PTPRU: variants seen among roughly 807,000 people sequenced by gnomAD.
The protein encoded by PTPRU is protein tyrosine phosphatase receptor type U, also known as receptor-type tyrosine-protein phosphatase U.
In PTPRU, 69 loss-of-function variants were observed where a neutral mutation model predicts 166.3. The observed-to-expected ratio is 0.41, with a 90% confidence interval of 0.34 to 0.51. The LOEUF is 0.51. Ranked by LOEUF, PTPRU falls within the 20% of genes least tolerant of loss-of-function variation. PTPRU has a pLI of 0.09. For synonymous variants in PTPRU, 793 were observed against 814.0 expected (o/e 0.97, Z 0.44); for missense variants, 1,657 against 2,013.7 (o/e 0.82, Z 3.39).
chr1:29,299,020 G>T (rs1031599654), intron 15 of PTPRU, among the ~76,000 whole-genome samples: 3 of 152,200 alleles, frequency 2.0e-5, no homozygotes, highest in Non-Finnish European at 4.4e-5. Context: ...AAAGTTTGGG[G>T]TGCTACCACA....
intron 15 of PTPRU, among the ~76,000 whole-genome samples, chr1:29,300,332 C>T (rs1687082480): frequency 6.6e-6 from 1 of 152,174 alleles, no homozygotes; most frequent in Admixed American, 6.5e-5. Context: ...TGTTTCCACT[C>T]CTCTCTTGAA....
chr1:29,292,007 C>T lies in PTPRU; in HGVS notation c.2457C>T (p.Thr819=). The T allele has an allele frequency of 6.2e-7, 1 of 1,614,144 alleles. No individual in the cohort carries two copies. The highest frequency in any genetic ancestry group is 8.5e-7 in the Non-Finnish European group (1 of 1,180,018). Residue 819 remains threonine, a synonymous_variant, in exon 15 of 30, where the codon ACC becomes ACT. Coordinates refer to ENST00000373779, the MANE Select transcript of PTPRU (RefSeq NM_133178.4). The part of the protein sequence containing the change: ...DERLGLSFMD[T]HGYSTRGDQR... ...GGCTGGGCCTGTCCTTCATGGACACCCATGGCTACAGCACCCGGGGTGAGT... is the reference window on the plus strand; with the variant it reads ...GGCTGGGCCTGTCCTTCATGGACACTCATGGCTACAGCACCCGGGGTGAGT...
rs1685615340 is a variant in PTPRU, at chr1:29,272,743, CA to C, written c.1145-2699del. ...GCAACACAGCAAGACCCTGTCTCTA[CA>C]AAAAATACAAAAATTAGCTGGGCTT... On this transcript the variant is annotated intron_variant, in intron 7 of 29. Coordinates refer to ENST00000373779, the MANE Select transcript of PTPRU (RefSeq NM_133178.4). Among the ~76,000 whole-genome samples the C allele has an allele frequency of 4.0e-5, 6 of 151,452 alleles. No individual in the cohort carries two copies. The South Asian group carries it at 1.3e-3, about 32-fold the overall frequency.
Position 29,317,289 on chromosome 1 carries a change from C to T in PTPRU, c.3514-459C>T, listed in dbSNP as rs186127562. On this transcript the variant is annotated intron_variant, in intron 24 of 29. Coordinates refer to ENST00000373779, the MANE Select transcript of PTPRU (RefSeq NM_133178.4). The surrounding 1 kb of genome is among the most constrained non-coding windows in gnomAD (Gnocchi z 5.6). ...GTGACCAAGGAACGTGACCCCCTCT[C>T]CACGTGCCTGGAGTCCGCTTCTTGG... Among the ~76,000 whole-genome samples, 687 of 152,264 alleles carry T rather than the reference C, an allele frequency of 4.5e-3. 3 individuals are homozygous for T. The highest frequency in any genetic ancestry group is 6.7e-3 in the Non-Finnish European group (454 of 68,014).
chr1:29,279,273 C>A lies in PTPRU; in HGVS notation c.1563+152C>A. The A allele has an allele frequency of 1.0e-6, 1 of 1,003,858 alleles. No individual in the cohort carries two copies. Among genetic ancestry groups the A allele is most frequent in the Non-Finnish European group, 1.5e-6 (1 of 672,940 alleles). 62.2% of individuals were successfully genotyped at this position (1,003,858 alleles called of 1,614,324 possible). A position where few individuals can be genotyped will look rare whatever the true frequency, so the allele number is the denominator to read the frequency against. On this transcript the variant is annotated intron_variant, in intron 9 of 29. Transcript: ENST00000373779. This position sits in a 1 kb window ranked among gnomAD's most constrained non-coding sequence, Gnocchi z 5.2. ...TGGCCAGGTCTGTGCCCTGTGTATT[C>A]TAGAGGAGGGTCCTGAAGGCAGGAG...
intron 7 of PTPRU, among the ~76,000 whole-genome samples, chr1:29,266,429 C>G (rs1036317095): frequency 6.6e-6 from 1 of 152,116 alleles, no homozygotes; most frequent in African/African-American, 2.4e-5. Flanking sequence ...TTTTAAAAAG[C>G]CAATCTGTGA....
Position 29,279,467 on chromosome 1 carries a change from G to C in PTPRU, c.1575G>C (p.Gln525His). Residue 525 changes from glutamine (Q) to histidine (H), a missense_variant, in exon 10 of 30, where the codon CAG becomes CAC. Gln to His is a conservative substitution (Grantham distance 24). Transcript: ENST00000373779. This position sits in a 1 kb window ranked among gnomAD's most constrained non-coding sequence, Gnocchi z 5.2. Reference protein sequence around the residue: ...GLITQYEISYQSIESSDPAVN... With the variant: ...GLITQYEISYHSIESSDPAVN... ...AATCCTGCCCCCAGATCAGCTACCA[G>C]AGCATCGAGTCATCAGACCCGGCAG... 6.2e-7 allele frequency: 1 copy of C among 1,614,110 alleles called. No individual in the cohort carries two copies.
Position 29,282,898 on chromosome 1 carries a change from G to A in PTPRU, c.2091G>A (p.Glu697=), listed in dbSNP as rs1346931110. 6.2e-7 allele frequency: 1 copy of A among 1,613,932 alleles called. No individual in the cohort carries two copies. Among genetic ancestry groups the A allele is most frequent in the Non-Finnish European group, 8.5e-7 (1 of 1,179,994 alleles). ...GAGGCTTCTGGAACCCACCACTTGA[G>A]CCTAGGAAGGCCTATCTCATCTACT... The part of the protein sequence containing the change: ...TYRGFWNPPL[E]PRKAYLIYFQ... Residue 697 remains glutamate (E), a synonymous_variant, in exon 12 of 30, where the codon GAG becomes GAA. Coordinates refer to ENST00000373779, the MANE Select transcript of PTPRU (RefSeq NM_133178.4).
intron 1 of PTPRU, among the ~76,000 whole-genome samples, chr1:29,249,332 C>T (rs1684443497): frequency 1.3e-5 from 2 of 152,254 alleles, no homozygotes; most frequent in East Asian, 3.9e-4. Context: ...CTAAACCATC[C>T]CCCTGCCTTC....
rs930069257 is a variant in PTPRU at position 29,257,614 on chromosome 1, G to T, written c.206-891G>T. Among the ~76,000 whole-genome samples, 5 of 152,232 alleles carry T rather than the reference G, an allele frequency of 3.3e-5. No homozygotes were observed. Among genetic ancestry groups the T allele is most frequent in the African/African-American group, 1.2e-4 (5 of 41,460 alleles). On this transcript the variant is annotated intron_variant, in intron 2 of 29. Transcript: ENST00000373779. This position sits in a 1 kb window ranked among gnomAD's most constrained non-coding sequence, Gnocchi z 4.6. ...CTTTCTCCAGGTTGGAAGTCAAGGG[G>T]ATTTGTATTCCAGGAATTTAGACTC... is the stretch of plus-strand genomic sequence containing the variant.
rs1033158609 is a variant in PTPRU at position 29,317,873 on chromosome 1, C to T, written c.3639C>T (p.Ile1213=). 1 of 1,613,990 alleles carries T rather than the reference C, an allele frequency of 6.2e-7. No homozygotes were observed. Among genetic ancestry groups the T allele is most frequent in the African/African-American group, 1.3e-5 (1 of 74,950 alleles). ...LPPDRCLPFL[I]STDGDSNNYI... The stretch of plus-strand genomic sequence containing the variant: ...CCGACCGCTGCCTGCCCTTCCTCAT[C>T]TCCACTGATGGGGACTCCAACAACT... The change falls in exon 25 of 30, where the codon ATC becomes ATT. Residue 1213 remains isoleucine (I), a synonymous_variant. Transcript: ENST00000373779. The surrounding 1 kb of genome is among the most constrained non-coding windows in gnomAD (Gnocchi z 5.6).
intron 7 of PTPRU, among the ~76,000 whole-genome samples, chr1:29,274,571 C>A (rs375906539): frequency 1.3e-5 from 2 of 152,132 alleles, no homozygotes. Context: ...CTTTATTTAA[C>A]TATTTGGCTC....
rs1374938034 is a variant in PTPRU at position 29,310,622 on chromosome 1, T to A, written c.2821-122T>A. ...CATCCTGCTTAGGAGGTCCTAGGGA[T>A]GTGAGGGAGCAGTTCCCTGGTGGGG... On this transcript the variant is annotated intron_variant, in intron 18 of 29. Transcript: ENST00000373779. 9.8e-6 allele frequency: 10 copies of A among 1,017,558 alleles called. No homozygotes were observed. The Admixed American group carries it at 1.7e-4, about 18-fold the overall frequency. The allele number at this position is 1,017,558 out of a possible 1,614,324, so 63.0% of individuals were successfully genotyped here.
At chr1:29,258,802 GC>G in intron 3 of PTPRU, 26 bp downstream of exon 3, 1 of 1,543,414 alleles carries the variant, frequency 6.5e-7, no homozygotes, top group Non-Finnish European at 8.7e-7. Context: ...TCAGCGGTCA[GC>G]CTGTGCCTGG....
chr1:29,277,735 C>T (rs903284774), intron 8 of PTPRU, among the ~76,000 whole-genome samples: 2 of 146,948 alleles, frequency 1.4e-5, no homozygotes, highest in Non-Finnish European at 3.0e-5. Context: ...TTTCTATTCC[C>T]ATTTTACAGA....
chr1:29,275,884 C>T (rs1685784588), intron 8 of PTPRU, 128 bp downstream of exon 8: 1 of 1,010,338 alleles, frequency 9.9e-7, no homozygotes, highest in Non-Finnish European at 1.4e-6. Flanking sequence ...TGTATAACAC[C>T]AAAGTAGTGA....
At position 29,303,880 on chromosome 1, in the gene PTPRU, T is replaced by G; in HGVS notation, c.2502T>G (p.Thr834=). ...TRGDQRSGGV[T]EASSLLGGSP... Reference sequence around the variant, plus strand: ...GAGACCAGCGCAGCGGTGGGGTCACTGAGGCCAGCAGCCTCCTGGGGGGCT... The same window carrying G: ...GAGACCAGCGCAGCGGTGGGGTCACGGAGGCCAGCAGCCTCCTGGGGGGCT... Residue 834 remains threonine (T), a synonymous_variant, in exon 16 of 30, where the codon ACT becomes ACG. Transcript: ENST00000373779. 6.2e-7 allele frequency: 1 copy of G among 1,611,986 alleles called. No homozygotes were observed. The highest frequency in any genetic ancestry group is 8.5e-7 in the Non-Finnish European group (1 of 1,178,356).
chr1:29,246,215 A>G (rs1684290334), intron 1 of PTPRU, among the ~76,000 whole-genome samples: 1 of 152,222 alleles, frequency 6.6e-6, no homozygotes, highest in Non-Finnish European at 1.5e-5. Flanking sequence ...CAGCCCTTGC[A>G]CTGCACCACT....
At chr1:29,299,517 A>G (rs527458901) in intron 15 of PTPRU, among the ~76,000 whole-genome samples, 1 of 152,206 alleles carries the variant, frequency 6.6e-6, no homozygotes, top group South Asian at 2.1e-4. Flanking sequence ...TTTGTAGAAC[A>G]TCTTGTGTTA....
Sources: allele counts gnomAD v4.1 joint callset (sites outside exome capture counted in the v4.1 genomes callset), GRCh38; gene constraint gnomAD v4.1.1; non-coding constraint Gnocchi (gnomAD v3.1); transcripts MANE v1.5; gene names NCBI Gene and HGNC (gene_info 2026-07-23, HGNC 2026-07-21).